Variants in IFT43 observed in about 807,000 individuals in gnomAD.
The protein encoded by IFT43 is intraflagellar transport 43.
In IFT43, 33 loss-of-function variants were observed where a neutral mutation model predicts 32.3. That is an observed-to-expected ratio of 1.02 (90% confidence interval 0.77 to 1.37). IFT43 has a LOEUF of 1.37. Among genes scored for constraint, IFT43 ranks in the 40% most tolerant of loss-of-function variants. The pLI, the probability that IFT43 is intolerant of heterozygous loss-of-function variation, is 0.00. For missense variants in IFT43, 274 were observed against 265.9 expected, an observed-to-expected ratio of 1.03 and a Z score of -0.21; for synonymous variants, 93 against 98.2, an observed-to-expected ratio of 0.95 and a Z score of 0.31.
intron 3 of IFT43, among the ~76,000 whole-genome samples, chr14:76,032,491 T>A (rs1005513565): frequency 3.2e-4 from 48 of 152,200 alleles, no homozygotes; most frequent in Non-Finnish European, 1.5e-4. Context: ...GCACCCCTCA[T>A]CGCTCTGTGG....
intron 3 of IFT43, among the ~76,000 whole-genome samples, chr14:76,032,976 G>A (rs2036534874): frequency 6.6e-6 from 1 of 152,168 alleles, no homozygotes; most frequent in South Asian, 2.1e-4. Context: ...TGATTTAGGA[G>A]CTGATGGTGG....
rs144108923 is a variant in IFT43 at position 76,000,369 on chromosome 14, A to C, written c.147+11392A>C. On this transcript the variant is annotated intron_variant, in intron 2 of 8. Coordinates refer to ENST00000314067, the MANE Select transcript of IFT43 (RefSeq NM_001102564.3). The stretch of plus-strand genomic sequence containing the variant: ...AAGCTCCGCCTTCTGGATTCACGCC[A>C]TTCTCCTGCCTCAGCCTCCCGAGTA... 4.2e-3 allele frequency among the ~76,000 whole-genome samples: 612 copies of C among 147,008 alleles called. 1 individual carries two copies. The highest frequency in any genetic ancestry group is 0.015 in the African/African-American group (578 of 39,654).
intron 5 of IFT43, among the ~76,000 whole-genome samples, chr14:76,062,639 A>T (rs1437945236): frequency 1.3e-5 from 2 of 152,042 alleles, no homozygotes; most frequent in Non-Finnish European, 2.9e-5. Flanking sequence ...TAAGTCAGTC[A>T]GGCGCGGTGG....
intron 2 of IFT43, among the ~76,000 whole-genome samples, chr14:76,008,872 C>T (rs2036027490): frequency 6.6e-6 from 1 of 152,198 alleles, no homozygotes; most frequent in African/African-American, 2.4e-5. Context: ...TCTGACTTTG[C>T]CCTTAACGCT....
At chr14:76,042,837 A>G (rs979899818) in intron 3 of IFT43, among the ~76,000 whole-genome samples, 2 of 152,188 alleles carry the variant, frequency 1.3e-5, no homozygotes, top group Non-Finnish European at 2.9e-5. Context: ...GGGGCCTGTG[A>G]TGCCATGGCA....
chr14:75,999,049 T>C (rs2035800020), intron 2 of IFT43, among the ~76,000 whole-genome samples: 1 of 151,692 alleles, frequency 6.6e-6, no homozygotes, highest in Admixed American at 6.6e-5. Flanking sequence ...CATCTCTTTA[T>C]TTTTTTCTCT....
At chr14:76,009,790 C>T (rs1186093145) in intron 2 of IFT43, among the ~76,000 whole-genome samples, 1 of 150,996 alleles carries the variant, frequency 6.6e-6, no homozygotes, top group Non-Finnish European at 1.5e-5. Context: ...TAGTTGGTGT[C>T]TCATCTAGTG....
chr14:75,999,270 TATGTATA>T (rs1309474019), intron 2 of IFT43, among the ~76,000 whole-genome samples: 48 of 25,208 alleles, frequency 1.9e-3, no homozygotes, highest in African/African-American at 8.6e-3. Flanking sequence ...TATATATATA[TATGTATA>T]TATATTTTTT....
At chr14:75,986,052 G>A in intron 1 of IFT43, 1 of 1,515,602 alleles carries the variant, frequency 6.6e-7, no homozygotes, top group Middle Eastern at 1.7e-4. Flanking sequence ...AAAATCCTCA[G>A]AAAGTAGAAA....
chr14:75,989,001 T>G lies in IFT43; in HGVS notation c.147+24T>G, dbSNP rs201359474. The G allele has an allele frequency of 1.6e-5, 26 of 1,612,820 alleles. No homozygotes were observed. The Middle Eastern group carries it at 1.2e-3, about 72-fold the overall frequency. ...AGGTGGGTGCTAAAAAAAAAGAAAATCTGAAGAAATACTGTTTAAGAGTTA... is the reference window on the plus strand; with the variant it reads ...AGGTGGGTGCTAAAAAAAAAGAAAAGCTGAAGAAATACTGTTTAAGAGTTA... On this transcript the variant is annotated intron_variant, in intron 2 of 8. Transcript: ENST00000314067.
chr14:76,082,724 G>C, intron 7 of IFT43, 32 bp downstream of exon 7: 1 of 1,475,326 alleles, frequency 6.8e-7, no homozygotes, highest in Non-Finnish European at 9.5e-7. Context: ...TAGAGAGGCG[G>C]GCTCCAAGCA....
chr14:75,991,186 T>G (rs868251609), intron 2 of IFT43, among the ~76,000 whole-genome samples: 2 of 151,880 alleles, frequency 1.3e-5, no homozygotes, highest in Non-Finnish European at 2.9e-5. Flanking sequence ...AAAAATTAGC[T>G]GGGTTTGGGT....
At chr14:76,075,543 G>A (rs1416012741) in intron 5 of IFT43, among the ~76,000 whole-genome samples, 1 of 152,148 alleles carries the variant, frequency 6.6e-6, no homozygotes, top group Non-Finnish European at 1.5e-5. Flanking sequence ...ACTAATTAAA[G>A]CCATTTTCTG....
intron 5 of IFT43, among the ~76,000 whole-genome samples, chr14:76,068,290 C>T (rs990756170): frequency 2.0e-5 from 3 of 152,132 alleles, no homozygotes; most frequent in African/African-American, 7.2e-5. Context: ...ATAAGAGACT[C>T]CACATGGAGA....
intron 2 of IFT43, among the ~76,000 whole-genome samples, chr14:75,999,254 TATATATATATATATATATG>T (rs2035820718): frequency 1.7e-3 from 17 of 9,996 alleles, no homozygotes; most frequent in African/African-American, 6.7e-3. Flanking sequence ...TATATATATA[TATATATATATATATATATG>T]TATATATATT....
intron 1 of IFT43, chr14:75,986,349 C>G (rs1485812682): frequency 8.6e-7 from 1 of 1,163,890 alleles, no homozygotes; most frequent in Non-Finnish European, 1.1e-6. Flanking sequence ...TCAGTTACCT[C>G]AGTAGTTAAG....
chr14:76,031,086 TTA>T (rs2036502296), intron 3 of IFT43, among the ~76,000 whole-genome samples: 1 of 148,338 alleles, frequency 6.7e-6, no homozygotes, highest in African/African-American at 2.4e-5. Flanking sequence ...CATATATAAA[TTA>T]TATATGTATA....
intron 3 of IFT43, among the ~76,000 whole-genome samples, chr14:76,044,303 G>A (rs954789504): frequency 6.6e-6 from 1 of 152,092 alleles, no homozygotes; most frequent in East Asian, 1.9e-4. Context: ...GCCTCCCAAA[G>A]TGTCGGGATT....
intron 2 of IFT43, among the ~76,000 whole-genome samples, chr14:76,009,170 T>C (rs1194919185): frequency 1.3e-5 from 2 of 152,224 alleles, no homozygotes; most frequent in African/African-American, 4.8e-5. Context: ...ACTTAGCCGC[T>C]AGGCAATCAT....
Sources: allele counts gnomAD v4.1 joint callset (sites outside exome capture counted in the v4.1 genomes callset), GRCh38; gene constraint gnomAD v4.1.1; transcripts MANE v1.5; gene names NCBI Gene and HGNC (gene_info 2026-07-23, HGNC 2026-07-21).